Variants in NAV2 observed in about 807,000 individuals in gnomAD.
The protein encoded by NAV2 is helicase, APC down-regulated 1.
NAV2 carries 54 observed loss-of-function variants against 223.2 expected under a neutral mutation model. The ratio of observed to expected loss-of-function variants is 0.24; its 90% CI spans 0.19 to 0.30. NAV2 has a LOEUF of 0.30. NAV2 is among the 10% of genes least tolerant of loss of function. The pLI is 1.00. For missense variants in NAV2, 2,806 were observed against 3,147.5 expected, an observed-to-expected ratio of 0.89 and a Z score of 2.60; for synonymous variants, 1,279 against 1,239.3, an observed-to-expected ratio of 1.03 and a Z score of -0.67.
chr11:20,066,873 C>T (rs902937510), intron 20 of NAV2, among the ~76,000 whole-genome samples: 3 of 152,134 alleles, frequency 2.0e-5, no homozygotes, highest in South Asian at 4.1e-4. Flanking sequence ...CTGGGTACAG[C>T]GATGGGTAGA....
intron 1 of NAV2, among the ~76,000 whole-genome samples, chr11:19,720,419 C>G (rs1171477661): frequency 1.3e-5 from 2 of 152,218 alleles, no homozygotes; most frequent in Non-Finnish European, 2.9e-5. Flanking sequence ...TACAGATCCT[C>G]TCTTGTGTTT....
Position 20,093,134 on chromosome 11 carries a change from C to T in NAV2, c.5851C>T (p.Arg1951Trp), listed in dbSNP as rs749987451. Residue 1951 changes from arginine to tryptophan, a missense_variant, in exon 29 of 38, where the codon CGG (arginine) becomes TGG (tryptophan). This residue lies in a region of NAV2 where 824 missense variants were observed against 1,069.4 expected (regional missense o/e 0.77). Transcript: ENST00000349880. ...GGATGACACTGGTGAATGCTCGGCT[C>T]GGAAGGAAGGAGGCAGGCATGTTAA... Reference protein sequence around the residue: ...LLDDTGECSARKEGGRHVKIV... With the variant: ...LLDDTGECSAWKEGGRHVKIV... The T allele has an allele frequency of 1.4e-5, 23 of 1,613,802 alleles. No homozygotes were observed. The highest frequency in any genetic ancestry group is 9.9e-5 in the South Asian group (9 of 91,068).
intron 6 of NAV2, among the ~76,000 whole-genome samples, chr11:19,908,193 C>A (rs1213704324): frequency 6.6e-6 from 1 of 152,208 alleles, no homozygotes. Flanking sequence ...AAGGTAGAGG[C>A]TGGCTTCCTT....
chr11:19,388,145 T>C (rs1315131233), intron 1 of NAV2, among the ~76,000 whole-genome samples: 1 of 152,242 alleles, frequency 6.6e-6, no homozygotes, highest in Non-Finnish European at 1.5e-5. Flanking sequence ...GACTTTGGGA[T>C]GGAAGGAACG....
chr11:20,094,450 A>G (rs1287829336), intron 29 of NAV2, among the ~76,000 whole-genome samples: 3 of 151,850 alleles, frequency 2.0e-5, no homozygotes, highest in Non-Finnish European at 4.4e-5. Flanking sequence ...GGCTGGTCTC[A>G]AACTCCCGAC....
At chr11:19,579,621 G>C (rs1244670510) in intron 1 of NAV2, among the ~76,000 whole-genome samples, 1 of 152,230 alleles carries the variant, frequency 6.6e-6, no homozygotes, top group Non-Finnish European at 1.5e-5. Flanking sequence ...GAAGGAAATA[G>C]ACACTTCGTT....
At chr11:19,773,432 G>C (rs891536034) in intron 1 of NAV2, among the ~76,000 whole-genome samples, 1 of 152,174 alleles carries the variant, frequency 6.6e-6, no homozygotes, top group Non-Finnish European at 1.5e-5. Flanking sequence ...CAGGGAGATA[G>C]GCTAAGCTGG....
chr11:19,989,939 C>T (rs901905373), intron 11 of NAV2, among the ~76,000 whole-genome samples: 5 of 152,116 alleles, frequency 3.3e-5, no homozygotes, highest in African/African-American at 9.7e-5. Flanking sequence ...ACCATGGTAT[C>T]GTCTCTTCAA....
At chr11:19,733,340 A>G (rs554935937) in intron 1 of NAV2, among the ~76,000 whole-genome samples, 2 of 152,340 alleles carry the variant, frequency 1.3e-5, no homozygotes, top group South Asian at 4.1e-4. Flanking sequence ...AAGTTGACTG[A>G]TTTGATCTAG....
intron 1 of NAV2, among the ~76,000 whole-genome samples, chr11:19,828,834 A>C (rs924759242): frequency 2.0e-5 from 3 of 152,218 alleles, no homozygotes; most frequent in African/African-American, 7.2e-5. Context: ...GTGTGTAGGT[A>C]AATCAAAGTT....
At chr11:19,534,535 A>G (rs969799051) in intron 1 of NAV2, among the ~76,000 whole-genome samples, 1 of 152,224 alleles carries the variant, frequency 6.6e-6, no homozygotes, top group Non-Finnish European at 1.5e-5. Context: ...CAGAGAAAGG[A>G]ACAAGTGAAC....
intron 19 of NAV2, 150 bp from the exon 20 acceptor site, chr11:20,062,157 C>A: frequency 3.8e-6 from 2 of 529,986 alleles, no homozygotes; most frequent in Admixed American, 3.7e-5. Flanking sequence ...TGTCACTGAC[C>A]TATCGCCAAA....
intron 1 of NAV2, among the ~76,000 whole-genome samples, chr11:19,373,390 C>T (rs1848536528): frequency 6.6e-6 from 1 of 152,190 alleles, no homozygotes; most frequent in South Asian, 2.1e-4. Context: ...TTTCACTCTC[C>T]CTTTGGCCAC....
intron 1 of NAV2, among the ~76,000 whole-genome samples, chr11:19,795,963 T>C (rs1460220841): frequency 7.6e-6 from 1 of 130,842 alleles, no homozygotes; most frequent in Admixed American, 8.3e-5. Flanking sequence ...AGCTGGCTCC[T>C]GAATGAAAAT....
chr11:19,477,448 C>G (rs1167604519), intron 1 of NAV2, among the ~76,000 whole-genome samples: 1 of 152,202 alleles, frequency 6.6e-6, no homozygotes, highest in Non-Finnish European at 1.5e-5. Flanking sequence ...TCCTACCTTA[C>G]AGTCCTACAA....
In NAV2 at chr11:19,542,923, G is replaced by A. The variant is rs75686166; in HGVS notation, c.75+191896G>A. Among the ~76,000 whole-genome samples the A allele has an allele frequency of 9.5e-3, 1,440 of 152,310 alleles. 18 individuals carry two copies. Among genetic ancestry groups the A allele is most frequent in the African/African-American group, 0.033 (1,365 of 41,552 alleles). ...CTCTCCTGCCACCAGGACCACAGAG[G>A]AGAAGGCAGGTTCCCTGATCAGGGA... On this transcript the variant is annotated intron_variant, in intron 1 of 37. Coordinates refer to the NAV2 transcript ENST00000360655.
chr11:19,781,460 G>A (rs1005800964), intron 1 of NAV2, among the ~76,000 whole-genome samples: 6 of 152,132 alleles, frequency 3.9e-5, no homozygotes, highest in African/African-American at 1.4e-4. Context: ...AAACACTTAA[G>A]GGGGCTCTTC....
chr11:19,634,680 T>A (rs553548668), intron 1 of NAV2, among the ~76,000 whole-genome samples: 8 of 152,280 alleles, frequency 5.3e-5, no homozygotes, highest in East Asian at 3.9e-4. Context: ...CTGTCCAGTG[T>A]CTAGGAAGTG....
At chr11:19,470,758 T>C (rs2632039) in intron 1 of NAV2, among the ~76,000 whole-genome samples, 147,369 of 152,268 alleles carry the variant, frequency 0.97, 71,506 homozygotes, top group East Asian at 1. Context: ...ATTGTTTCAA[T>C]TCTTCGATCC....
Sources: gnomAD v4.1 joint callset for allele counts (sites outside exome capture counted in the v4.1 genomes callset) on GRCh38, gnomAD v4.1.1 for gene constraint, gnomAD v4.1.1 regional missense constraint, MANE v1.5 for transcripts, NCBI Gene and HGNC (gene_info 2026-07-23, HGNC 2026-07-21) for gene names.